CACHD1: variants seen among roughly 807,000 people sequenced by gnomAD.
CACHD1 encodes VWFA and cache domain-containing protein 1.
Under a neutral mutation model 138.7 loss-of-function variants are expected in CACHD1, and 71 were observed. The ratio of observed to expected loss-of-function variants is 0.51; its 90% CI spans 0.42 to 0.62. The LOEUF (loss-of-function observed/expected upper bound fraction) is 0.62, where lower values mean the gene tolerates loss of function less well. CACHD1 is among the 20% of genes least tolerant of loss of function. The probability of loss-of-function intolerance (pLI) is 0.00; values close to 1 mark genes in which losing one functional copy is unlikely to be tolerated. For missense variants in CACHD1, 1,389 were observed against 1,625.3 expected (o/e 0.85, Z 2.50); for synonymous variants, 578 against 591.5 (o/e 0.98, Z 0.33).
intron 1 of CACHD1, among the ~76,000 whole-genome samples, chr1:64,521,991 T>C (rs1302571934): frequency 6.6e-6 from 1 of 152,068 alleles, no homozygotes; most frequent in East Asian, 1.9e-4. Flanking sequence ...TTTTCCTTTG[T>C]TTCTCATGTT....
At chr1:64,543,474 G>T (rs926111974) in intron 1 of CACHD1, among the ~76,000 whole-genome samples, 4 of 149,564 alleles carry the variant, frequency 2.7e-5, no homozygotes, top group African/African-American at 9.9e-5. Context: ...TACTTGGGAG[G>T]CTGAGGCGAG....
At chr1:64,664,235 A>G (rs1557546248) in intron 14 of CACHD1, 1 of 534,190 alleles carries the variant, frequency 1.9e-6, no homozygotes. Context: ...TGTGTATATT[A>G]ATGACTCGCT....
In CACHD1 at chr1:64,692,116, G is replaced by A. The variant is rs1433627903; in HGVS notation, c.*555G>A. ...AAGGATTATTTTTCTACTATTTATT[G>A]AACTTTCAAACATTCTCAAACTTTG... On this transcript the variant is annotated 3_prime_UTR_variant, in exon 27 of 27. Transcript: ENST00000651257. The A allele has an allele frequency of 1.9e-5, 3 of 154,086 alleles. No homozygotes were observed. The highest frequency in any genetic ancestry group is 6.4e-5 in the Admixed American group (1 of 15,648). The allele number at this position is 154,086 out of a possible 1,614,324, so 9.5% of individuals were successfully genotyped here. A position where few individuals can be genotyped will look rare whatever the true frequency, so the allele number is the denominator to read the frequency against.
chr1:64,562,787 CT>C (rs1486892304), intron 2 of CACHD1, among the ~76,000 whole-genome samples: 1 of 152,030 alleles, frequency 6.6e-6, no homozygotes, highest in African/African-American at 2.4e-5. Flanking sequence ...AGCGTATTAT[CT>C]TTGCATTCTT....
At chr1:64,678,377 C>A (rs748043323) in intron 23 of CACHD1, 67 bp downstream of exon 23, 45 of 1,413,758 alleles carry the variant, frequency 3.2e-5, no homozygotes, top group African/African-American at 4.4e-5. Flanking sequence ...TATGCTAGGA[C>A]ATCTTAAAAT....
At position 64,654,773 on chromosome 1, in the gene CACHD1, A is replaced by G; in HGVS notation, c.1752A>G (p.Glu584=). 2 of 1,613,550 alleles carry G rather than the reference A, an allele frequency of 1.2e-6. No homozygotes were observed. The highest frequency in any genetic ancestry group is 1.7e-6 in the Non-Finnish European group (2 of 1,179,458). ...ACAAGCTGAGAGAAACTGGAAAGGA[A>G]GCCTACAATGTTAGCTATGCCTGGA... ...HINKLRETGK[E]AYNVSYAWKM... is the part of the protein sequence containing the mutation. The change falls in exon 12 of 27, where the codon GAA becomes GAG. Residue 584 remains glutamate, a synonymous_variant. Transcript: ENST00000651257.
chr1:64,490,326 A>C (rs964287827), intron 1 of CACHD1, among the ~76,000 whole-genome samples: 2 of 152,192 alleles, frequency 1.3e-5, no homozygotes, highest in Non-Finnish European at 2.9e-5. Context: ...ATCCAAGCCT[A>C]GGATTTGTTG....
chr1:64,579,078 T>C (rs1646991456), intron 2 of CACHD1, among the ~76,000 whole-genome samples: 1 of 152,200 alleles, frequency 6.6e-6, no homozygotes, highest in African/African-American at 2.4e-5. Context: ...AAGCAGGCCA[T>C]ACAGACTCTT....
intron 16 of CACHD1, among the ~76,000 whole-genome samples, chr1:64,667,423 C>T (rs1034723424): frequency 6.6e-6 from 1 of 152,160 alleles, no homozygotes; most frequent in Admixed American, 6.5e-5. Flanking sequence ...TCGTGGAAAA[C>T]GGGGCCCTGC....
intron 26 of CACHD1, among the ~76,000 whole-genome samples, chr1:64,684,905 G>A (rs1025691894): frequency 1.3e-5 from 2 of 152,182 alleles, no homozygotes; most frequent in Non-Finnish European, 1.5e-5. Context: ...CACCTCCTGG[G>A]TTCAAGCGAT....
At chr1:64,672,632 G>A (rs1467015523) in intron 17 of CACHD1, among the ~76,000 whole-genome samples, 1 of 152,134 alleles carries the variant, frequency 6.6e-6, no homozygotes, top group African/African-American at 2.4e-5. Context: ...ATCACTTTCA[G>A]GCATCCATTG....
chr1:64,587,869 C>T (rs1647063507), intron 3 of CACHD1, among the ~76,000 whole-genome samples: 1 of 152,118 alleles, frequency 6.6e-6, no homozygotes, highest in Admixed American at 6.5e-5. Flanking sequence ...TTTTTCGGCC[C>T]TCAGTGTTTT....
chr1:64,681,541 G>GGGTTTTTTTTTTTT (rs1553146851), intron 25 of CACHD1, among the ~76,000 whole-genome samples: 1 of 68,132 alleles, frequency 1.5e-5, no homozygotes, highest in African/African-American at 7.3e-5. Flanking sequence ...ATTTTATTGT[G>GGGTTTTTTTTTTTT]TTTTTTTTTT....
intron 1 of CACHD1, among the ~76,000 whole-genome samples, chr1:64,475,179 T>TTTC (rs1212696192): frequency 1.3e-5 from 2 of 149,596 alleles, no homozygotes; most frequent in Non-Finnish European, 3.0e-5. Context: ...TCCTTTTTTT[T>TTTC]TTTTTTTTTT....
chr1:64,553,244 C>A (rs1488834478), intron 2 of CACHD1, among the ~76,000 whole-genome samples: 1 of 152,220 alleles, frequency 6.6e-6, no homozygotes, highest in East Asian at 1.9e-4. Flanking sequence ...TATGATGGTT[C>A]TCCCATGGGT....
chr1:64,559,767 G>A (rs1446552615), intron 2 of CACHD1, among the ~76,000 whole-genome samples: 1 of 152,138 alleles, frequency 6.6e-6, no homozygotes, highest in African/African-American at 2.4e-5. Flanking sequence ...ATTCAGGAGA[G>A]CACCATCTGG....
intron 1 of CACHD1, among the ~76,000 whole-genome samples, chr1:64,484,378 C>T (rs1433085120): frequency 6.6e-6 from 1 of 151,874 alleles, no homozygotes; most frequent in Non-Finnish European, 1.5e-5. Flanking sequence ...GAGACAGGAC[C>T]TTGGTGTAGT....
chr1:64,663,924 A>G, intron 14 of CACHD1, 87 bp downstream of exon 14: 1 of 1,542,048 alleles, frequency 6.5e-7, no homozygotes, highest in Non-Finnish European at 8.9e-7. Flanking sequence ...GAAGTAGGAA[A>G]CCCAGCTCTG....
chr1:64,561,159 T>C (rs541285257), intron 2 of CACHD1, among the ~76,000 whole-genome samples: 19 of 151,432 alleles, frequency 1.3e-4, no homozygotes, highest in Non-Finnish European at 2.4e-4. Flanking sequence ...ATATTTTGGG[T>C]TTTTTTTCTG....
Sources: allele counts gnomAD v4.1 joint callset (sites outside exome capture counted in the v4.1 genomes callset), GRCh38; gene constraint gnomAD v4.1.1; transcripts MANE v1.5; gene names NCBI Gene and HGNC (gene_info 2026-07-23, HGNC 2026-07-21).